The following RAB6C variants were observed in gnomAD, a reference collection of about 807,000 sequenced individuals.
RAB6C encodes ras-related protein Rab-6C.
RAB6C carries 8 observed loss-of-function variants against 17.2 expected under a neutral mutation model. That is an observed-to-expected ratio of 0.46 (90% CI 0.27 to 0.84). The LOEUF is 0.84. Ranked by LOEUF, RAB6C falls within the 40% of genes least tolerant of loss-of-function variation. The probability of loss-of-function intolerance (pLI) is 0.13; values close to 1 mark genes in which losing one functional copy is unlikely to be tolerated. For synonymous variants in RAB6C, 78 were observed against 118.9 expected (o/e 0.66, Z 2.24); for missense variants, 151 against 306.5 (o/e 0.49, Z 3.79).
rs1681757426 is a variant in RAB6C, at chr2:129,981,173, C to A, written c.*293C>A. On this transcript the variant is annotated 3_prime_UTR_variant, in exon 1 of 1. Coordinates refer to ENST00000410061, the MANE Select transcript of RAB6C (RefSeq NM_032144.3). ...TTCCGTGTTCTTACCTAGCCTCCCCCCACTTCCTCAAAACAAACAAGAGAT... is the reference window on the plus strand; with the variant it reads ...TTCCGTGTTCTTACCTAGCCTCCCCACACTTCCTCAAAACAAACAAGAGAT... 4.8e-6 allele frequency: 1 copy of A among 210,346 alleles called. No homozygotes were observed. Among genetic ancestry groups the A allele is most frequent in the South Asian group, 1.2e-4 (1 of 8,584 alleles). 13.0% of individuals were successfully genotyped at this position (210,346 alleles called of 1,614,324 possible). A position where few individuals can be genotyped will look rare whatever the true frequency, so the allele number is the denominator to read the frequency against.
In RAB6C at chr2:129,981,682, A is replaced by G. The variant is rs1205651267; in HGVS notation, c.*802A>G. 2 of 167,148 alleles carry G rather than the reference A, an allele frequency of 1.2e-5. No homozygotes were observed. Among genetic ancestry groups the G allele is most frequent in the Admixed American group, 1.3e-4 (2 of 15,290 alleles). The allele number at this position is 167,148 out of a possible 1,614,324, so 10.4% of individuals were successfully genotyped here. A position where few individuals can be genotyped will look rare whatever the true frequency, so the allele number is the denominator to read the frequency against. ...ATTTTGCTTGGGTTTTCTTTCTTAA[A>G]AAAATAATACTATGCAGGCAAGACA... On this transcript the variant is annotated 3_prime_UTR_variant, in exon 1 of 1. Transcript: ENST00000410061.
rs1307971344 is a variant in RAB6C, at chr2:129,982,651, A to G, written c.*1771A>G. ...TGGGATGGAGTTATAAAGTGCTTTT[A>G]TAATACAATATAATTGCTAAAGGCA... On this transcript the variant is annotated 3_prime_UTR_variant, in exon 1 of 1. Transcript: ENST00000410061. 2 of 167,118 alleles carry G rather than the reference A, an allele frequency of 1.2e-5. No homozygotes were observed. Among genetic ancestry groups the G allele is most frequent in the Non-Finnish European group, 2.9e-5 (2 of 68,126 alleles). 10.4% of individuals were successfully genotyped at this position (167,118 alleles called of 1,614,324 possible). A position where few individuals can be genotyped will look rare whatever the true frequency, so the allele number is the denominator to read the frequency against.
In RAB6C at chr2:129,980,772, G is replaced by A; in HGVS notation, c.657G>A (p.Gln219=). ...YSPMSSSTLP[Q]KPPYSFIDCS... ...CCATGTCATCTTCAACCCTTCCTCA[G>A]AAGCCCCCTTACTCTTTCATTGACT... is the stretch of plus-strand genomic sequence containing the variant. The change falls in exon 1 of 1, where the codon CAG becomes CAA. Residue 219 remains glutamine, a synonymous_variant. Transcript: ENST00000410061. The A allele has an allele frequency of 1.2e-6, 2 of 1,605,982 alleles. No individual in the cohort carries two copies. The highest frequency in any genetic ancestry group is 1.7e-6 in the Non-Finnish European group (2 of 1,174,426).
At position 129,981,243 on chromosome 2, in the gene RAB6C, T is replaced by G. The variant is rs1346768272; in HGVS notation, c.*363T>G. ...CAAGCCCACTGGAATTATCCTTTAA[T>G]TTTACAGATACCACTTGCTGTAGGC... On this transcript the variant is annotated 3_prime_UTR_variant, in exon 1 of 1. Coordinates refer to ENST00000410061, the MANE Select transcript of RAB6C (RefSeq NM_032144.3). The G allele has an allele frequency of 4.7e-6, 1 of 210,812 alleles. No individual in the cohort carries two copies. Among genetic ancestry groups the G allele is most frequent in the Non-Finnish European group, 1.1e-5 (1 of 95,128 alleles). 13.1% of individuals were successfully genotyped at this position (210,812 alleles called of 1,614,324 possible).
In RAB6C at chr2:129,981,455, T is replaced by C. The variant is rs560601136; in HGVS notation, c.*575T>C. On this transcript the variant is annotated 3_prime_UTR_variant, in exon 1 of 1. Transcript: ENST00000410061. The stretch of plus-strand genomic sequence containing the variant: ...AGTAGCAGAACATAAAATGTATTTC[T>C]GACTAACACAAATGGTCCTTTCACA... 1.2e-5 allele frequency: 2 copies of C among 169,538 alleles called. No homozygotes were observed. Among genetic ancestry groups the C allele is most frequent in the African/African-American group, 4.8e-5 (2 of 41,598 alleles). 10.5% of individuals were successfully genotyped at this position (169,538 alleles called of 1,614,324 possible). A position where few individuals can be genotyped will look rare whatever the true frequency, so the allele number is the denominator to read the frequency against.
rs1681752078 is a variant in RAB6C, at chr2:129,980,934, A to G, written c.*54A>G. On this transcript the variant is annotated 3_prime_UTR_variant, in exon 1 of 1. Transcript: ENST00000410061. ...TCAGCGTCTTCATTATTTATATTTT[A>G]CAAAAAGCCAAATTATTTCAGCATA... The G allele has an allele frequency of 8.4e-6, 13 of 1,544,110 alleles. No homozygotes were observed. Among genetic ancestry groups the G allele is most frequent in the Non-Finnish European group, 1.1e-5 (13 of 1,149,520 alleles).
rs568771728 is a variant in RAB6C, at chr2:129,980,945, A to G, written c.*65A>G. On this transcript the variant is annotated 3_prime_UTR_variant, in exon 1 of 1. Coordinates refer to ENST00000410061, the MANE Select transcript of RAB6C (RefSeq NM_032144.3). ...ATTATTTATATTTTACAAAAAGCCA[A>G]ATTATTTCAGCATATTCCGGTGATA... 1 of 1,537,544 alleles carries G rather than the reference A, an allele frequency of 6.5e-7. No individual in the cohort carries two copies. The highest frequency in any genetic ancestry group is 2.3e-5 in the East Asian group (1 of 44,224).
Position 129,982,003 on chromosome 2 carries a change from C to T in RAB6C, c.*1123C>T, listed in dbSNP as rs578069031. 2 of 167,020 alleles carry T rather than the reference C, an allele frequency of 1.2e-5. No homozygotes were observed. Among genetic ancestry groups the T allele is most frequent in the Non-Finnish European group, 2.9e-5 (2 of 68,078 alleles). 10.3% of individuals were successfully genotyped at this position (167,020 alleles called of 1,614,324 possible). ...AAACTGAATATTATGCAGATTTATG[C>T]CTTATTTTTTAGCATTTTTTAAGGT... On this transcript the variant is annotated 3_prime_UTR_variant, in exon 1 of 1. Coordinates refer to ENST00000410061, the MANE Select transcript of RAB6C (RefSeq NM_032144.3).
Position 129,979,920 on chromosome 2 carries a change from G to A in RAB6C, c.-196G>A. On this transcript the variant is annotated 5_prime_UTR_variant, in exon 1 of 1. Coordinates refer to ENST00000410061, the MANE Select transcript of RAB6C (RefSeq NM_032144.3). ...TGCTCGGCTACTCTGCCGGGAGGCG[G>A]CGGCGGCTGCCAGTCTGTGGCGAGC... The A allele has an allele frequency of 3.0e-6, 3 of 987,380 alleles. No homozygotes were observed. The highest frequency in any genetic ancestry group is 4.4e-6 in the Non-Finnish European group (3 of 678,650). The allele number at this position is 987,380 out of a possible 1,614,324, so 61.2% of individuals were successfully genotyped here. A position where few individuals can be genotyped will look rare whatever the true frequency, so the allele number is the denominator to read the frequency against.
In RAB6C at chr2:129,982,297, G is replaced by A. The variant is rs1409167166; in HGVS notation, c.*1417G>A. On this transcript the variant is annotated 3_prime_UTR_variant, in exon 1 of 1. Transcript: ENST00000410061. ...TAGTTATTGTGAGATTGCTGTGTAA[G>A]CTAATAAACACATTTGTAAATACAT... 1 of 167,006 alleles carries A rather than the reference G, an allele frequency of 6.0e-6. No individual in the cohort carries two copies. The highest frequency in any genetic ancestry group is 1.5e-5 in the Non-Finnish European group (1 of 68,108). The allele number at this position is 167,006 out of a possible 1,614,324, so 10.3% of individuals were successfully genotyped here. A position where few individuals can be genotyped will look rare whatever the true frequency, so the allele number is the denominator to read the frequency against.
At position 129,982,278 on chromosome 2, in the gene RAB6C, T is replaced by C. The variant is rs1346670720; in HGVS notation, c.*1398T>C. On this transcript the variant is annotated 3_prime_UTR_variant, in exon 1 of 1. Transcript: ENST00000410061. ...GTGCCCTTTTAATCTTTACTAGTTA[T>C]TGTGAGATTGCTGTGTAAGCTAATA... 2 of 167,082 alleles carry C rather than the reference T, an allele frequency of 1.2e-5. No individual in the cohort carries two copies. The highest frequency in any genetic ancestry group is 2.9e-5 in the Non-Finnish European group (2 of 68,118). The allele number at this position is 167,082 out of a possible 1,614,324, so 10.3% of individuals were successfully genotyped here.
rs1681759377 is a variant in RAB6C at position 129,981,261 on chromosome 2, C to T, written c.*381C>T. On this transcript the variant is annotated 3_prime_UTR_variant, in exon 1 of 1. Coordinates refer to ENST00000410061, the MANE Select transcript of RAB6C (RefSeq NM_032144.3). Reference sequence around the variant, plus strand: ...CCTTTAATTTTACAGATACCACTTGCTGTAGGCTGTGGACCAAGATGTCCA... The same window carrying T: ...CCTTTAATTTTACAGATACCACTTGTTGTAGGCTGTGGACCAAGATGTCCA... 4.7e-6 allele frequency: 1 copy of T among 210,790 alleles called. No homozygotes were observed. The allele number at this position is 210,790 out of a possible 1,614,324, so 13.1% of individuals were successfully genotyped here.
rs548857681 is a variant in RAB6C, at chr2:129,982,658, A to T, written c.*1778A>T. 7.2e-5 allele frequency: 12 copies of T among 167,228 alleles called. No homozygotes were observed. Among genetic ancestry groups the T allele is most frequent in the African/African-American group, 2.6e-4 (11 of 41,590 alleles). 10.4% of individuals were successfully genotyped at this position (167,228 alleles called of 1,614,324 possible). ...GAGTTATAAAGTGCTTTTATAATAC[A>T]ATATAATTGCTAAAGGCAAGGGTTG... On this transcript the variant is annotated 3_prime_UTR_variant, in exon 1 of 1. Transcript: ENST00000410061.
In RAB6C at chr2:129,980,911, A is replaced by C. The variant is rs775713705; in HGVS notation, c.*31A>C. The C allele has an allele frequency of 1.3e-6, 2 of 1,574,058 alleles. No individual in the cohort carries two copies. The highest frequency in any genetic ancestry group is 2.4e-5 in the South Asian group (2 of 84,998). On this transcript the variant is annotated 3_prime_UTR_variant, in exon 1 of 1. Coordinates refer to ENST00000410061, the MANE Select transcript of RAB6C (RefSeq NM_032144.3). Reference sequence around the variant, plus strand: ...TAGCTTCACAAGCACAAAAAAAGTCAGCGTCTTCATTATTTATATTTTACA... The same window carrying C: ...TAGCTTCACAAGCACAAAAAAAGTCCGCGTCTTCATTATTTATATTTTACA...
rs894131696 is a variant in RAB6C, at chr2:129,981,250, G to A, written c.*370G>A. The A allele has an allele frequency of 9.6e-6, 2 of 209,236 alleles. No individual in the cohort carries two copies. The highest frequency in any genetic ancestry group is 4.7e-5 in the African/African-American group (2 of 42,148). 13.0% of individuals were successfully genotyped at this position (209,236 alleles called of 1,614,324 possible). A position where few individuals can be genotyped will look rare whatever the true frequency, so the allele number is the denominator to read the frequency against. ...ACTGGAATTATCCTTTAATTTTACA[G>A]ATACCACTTGCTGTAGGCTGTGGAC... On this transcript the variant is annotated 3_prime_UTR_variant, in exon 1 of 1. Transcript: ENST00000410061.
At position 129,980,423 on chromosome 2, in the gene RAB6C, A is replaced by G; in HGVS notation, c.308A>G (p.Gln103Arg). 1.2e-6 allele frequency: 2 copies of G among 1,613,886 alleles called. No homozygotes were observed. Among genetic ancestry groups the G allele is most frequent in the Non-Finnish European group, 1.7e-6 (2 of 1,180,014 alleles). The change falls in exon 1 of 1, where the codon CAA becomes CGA. Residue 103 changes from glutamine to arginine, a missense_variant. By Grantham distance (43) the Gln-to-Arg change is conservative. Around this residue, in one of 2 missense-constraint regions of RAB6C, gnomAD observed 136 missense variants for 200.0 expected, o/e 0.68. Coordinates refer to ENST00000410061, the MANE Select transcript of RAB6C (RefSeq NM_032144.3). ...ATCACAAATGTTAACTCATTCCAGC[A>G]AACTACAAAGTGGATTGATGATGTC... ...YDITNVNSFQQTTKWIDDVRT... is the reference protein window; with the variant it reads ...YDITNVNSFQRTTKWIDDVRT...
Position 129,981,737 on chromosome 2 carries a change from C to G in RAB6C, c.*857C>G, listed in dbSNP as rs1681768131. 1 of 166,972 alleles carries G rather than the reference C, an allele frequency of 6.0e-6. No individual in the cohort carries two copies. The highest frequency in any genetic ancestry group is 2.1e-4 in the South Asian group (1 of 4,822). 10.3% of individuals were successfully genotyped at this position (166,972 alleles called of 1,614,324 possible). A position where few individuals can be genotyped will look rare whatever the true frequency, so the allele number is the denominator to read the frequency against. The stretch of plus-strand genomic sequence containing the variant: ...AAAAGTTTAATTCCTTACAGAAGAA[C>G]CAGTGGAAGAATTTAAATTTGGCAC... On this transcript the variant is annotated 3_prime_UTR_variant, in exon 1 of 1. Coordinates refer to ENST00000410061, the MANE Select transcript of RAB6C (RefSeq NM_032144.3).
At position 129,980,397 on chromosome 2, in the gene RAB6C, T is replaced by C; in HGVS notation, c.282T>C (p.Asp94=). The change falls in exon 1 of 1, where the codon GAT becomes GAC. Residue 94 remains aspartate (D), a synonymous_variant. Coordinates refer to ENST00000410061, the MANE Select transcript of RAB6C (RefSeq NM_032144.3). The part of the protein sequence containing the change: ...RDSAAAVVVY[D]ITNVNSFQQT... ...CTGCTGCAGCTGTAGTAGTTTACGA[T>C]ATCACAAATGTTAACTCATTCCAGC... 6.2e-7 allele frequency: 1 copy of C among 1,613,344 alleles called. No individual in the cohort carries two copies. Among genetic ancestry groups the C allele is most frequent in the Non-Finnish European group, 8.5e-7 (1 of 1,179,854 alleles).
rs769905570 is a variant in RAB6C, at chr2:129,980,871, G to A, written c.756G>A (p.Ser252=). 8 of 1,606,426 alleles carry A rather than the reference G, an allele frequency of 5.0e-6. No homozygotes were observed. In the East Asian group the frequency reaches 1.3e-4, roughly 27 times the overall value. ...TFCNSSLLPV[S]WR The stretch of plus-strand genomic sequence containing the variant: ...GCAATTCATCATTGCTGCCTGTCTC[G>A]TGGAGGTGATCTATTAGCTTCACAA... Residue 252 remains serine, a synonymous_variant, in exon 1 of 1, where the codon TCG becomes TCA. Coordinates refer to ENST00000410061, the MANE Select transcript of RAB6C (RefSeq NM_032144.3).
Sources: gnomAD v4.1 joint callset for allele counts on GRCh38, gnomAD v4.1.1 for gene constraint, gnomAD v4.1.1 regional missense constraint, MANE v1.5 for transcripts, NCBI Gene and HGNC (gene_info 2026-07-23, HGNC 2026-07-21) for gene names.